BBS7: variants seen among roughly 807,000 people sequenced by gnomAD.
BBS7 encodes the protein BBSome complex member BBS7.
Under a neutral mutation model 90.3 loss-of-function variants are expected in BBS7, and 50 were observed. That is an observed-to-expected ratio of 0.55 (90% CI 0.44 to 0.70). BBS7 has a LOEUF of 0.70. Ranked by LOEUF, BBS7 falls within the 30% of genes least tolerant of loss-of-function variation. The pLI is 0.00. For missense variants in BBS7, 729 were observed against 838.9 expected, an observed-to-expected ratio of 0.87 and a Z score of 1.62; for synonymous variants, 235 against 287.4, an observed-to-expected ratio of 0.82 and a Z score of 1.85.
At chr4:121,870,183 T>C in intron 1 of BBS7, 95 bp downstream of exon 1, 1 of 1,535,824 alleles carries the variant, frequency 6.5e-7, no homozygotes, top group Non-Finnish European at 9.0e-7. Flanking sequence ...CCGCACCAGC[T>C]CCTGGCGACC....
At chr4:121,868,461 T>A (rs916526768) in intron 1 of BBS7, among the ~76,000 whole-genome samples, 4 of 151,824 alleles carry the variant, frequency 2.6e-5, no homozygotes, top group Non-Finnish European at 4.4e-5. Context: ...AGTGGGAGGA[T>A]CACTTGAGCC....
At chr4:121,846,382 C>A (rs1726012977) in intron 10 of BBS7, among the ~76,000 whole-genome samples, 1 of 152,072 alleles carries the variant, frequency 6.6e-6, no homozygotes, top group Non-Finnish European at 1.5e-5. Flanking sequence ...TAGGGAGGAG[C>A]TTAGAAGGGA....
In BBS7 at chr4:121,858,980, A is replaced by C; in HGVS notation, c.528+12T>G. On this transcript the variant is annotated intron_variant, in intron 5 of 18. Transcript: ENST00000264499. Reference sequence around the variant, plus strand: ...TAATATAAAAAATTAGAAAAATACAAATAACAGCAACCTGTAAAACTCTGA... The same window carrying C: ...TAATATAAAAAATTAGAAAAATACACATAACAGCAACCTGTAAAACTCTGA... 1.2e-6 allele frequency: 2 copies of C among 1,611,150 alleles called. No individual in the cohort carries two copies. The highest frequency in any genetic ancestry group is 1.7e-6 in the Non-Finnish European group (2 of 1,177,648).
chr4:121,843,880 T>C (rs368235423), intron 12 of BBS7, 47 bp downstream of exon 12: 50 of 1,238,006 alleles, frequency 4.0e-5, no homozygotes, highest in African/African-American at 5.9e-5. Context: ...CAAAATGGCA[T>C]AATAGAAATG....
chr4:121,833,878 C>G (rs1254108288), intron 14 of BBS7, among the ~76,000 whole-genome samples: 2 of 151,904 alleles, frequency 1.3e-5, no homozygotes, highest in African/African-American at 2.4e-5. Flanking sequence ...ATTTCTACTA[C>G]ATAAACTACA....
chr4:121,829,723 T>C (rs1036191434), intron 15 of BBS7, among the ~76,000 whole-genome samples: 1 of 152,210 alleles, frequency 6.6e-6, no homozygotes, highest in Non-Finnish European at 1.5e-5. Context: ...TACTCAATCC[T>C]GGGACTTTTA....
At chr4:121,832,009 AACACACACAC>A (rs375865529) in intron 15 of BBS7, among the ~76,000 whole-genome samples, 12 of 142,872 alleles carry the variant, frequency 8.4e-5, no homozygotes, top group Non-Finnish European at 1.4e-4. Context: ...AAAAAACAAA[AACACACACAC>A]ACACACACAC....
At chr4:121,855,254 G>A (rs1726545578) in intron 6 of BBS7, among the ~76,000 whole-genome samples, 1 of 152,078 alleles carries the variant, frequency 6.6e-6, no homozygotes, top group African/African-American at 2.4e-5. Context: ...GCCGTGGTGA[G>A]CTGAGATTGT....
intron 12 of BBS7, among the ~76,000 whole-genome samples, chr4:121,842,894 G>T (rs1187262760): frequency 6.6e-6 from 1 of 152,118 alleles, no homozygotes; most frequent in Non-Finnish European, 1.5e-5. Flanking sequence ...CAGTAAGCAT[G>T]TCCAAAAGCA....
At chr4:121,869,122 T>C (rs568635947) in intron 1 of BBS7, among the ~76,000 whole-genome samples, 5 of 152,266 alleles carry the variant, frequency 3.3e-5, no homozygotes, top group Middle Eastern at 3.4e-3. Flanking sequence ...ATGGAAGATA[T>C]GGGACAGATT....
chr4:121,847,898 A>C (rs1463478907), intron 9 of BBS7, among the ~76,000 whole-genome samples: 1 of 152,144 alleles, frequency 6.6e-6, no homozygotes, highest in Non-Finnish European at 1.5e-5. Context: ...TACTATGAGA[A>C]TGCAAAAATT....
Position 121,852,938 on chromosome 4 carries a change from CT to C in BBS7, c.849+17del. On this transcript the variant is annotated intron_variant, in intron 8 of 18. Transcript: ENST00000264499. ...ATTTGACAAATAATAAGCATATAGTCTTTTTTAATGAACTTACCTGATCAAA... is the reference window on the plus strand; with the variant it reads ...ATTTGACAAATAATAAGCATATAGTCTTTTTAATGAACTTACCTGATCAAA... The C allele has an allele frequency of 1.2e-6, 2 of 1,611,780 alleles. No individual in the cohort carries two copies. Among genetic ancestry groups the C allele is most frequent in the Middle Eastern group, 1.7e-4 (1 of 6,048 alleles).
intron 1 of BBS7, among the ~76,000 whole-genome samples, chr4:121,869,717 T>C (rs774387324): frequency 6.6e-6 from 1 of 152,022 alleles, no homozygotes; most frequent in Non-Finnish European, 1.5e-5. Flanking sequence ...TTTTGTACTT[T>C]TTGTAGAGAA....
Position 121,855,887 on chromosome 4 carries a change from T to C in BBS7, c.529-326A>G, listed in dbSNP as rs115205590. ...GTATATATGTATATGTACATATATG[T>C]ACATACATGTATGTGTATATATGTA... is the stretch of plus-strand genomic sequence containing the variant. On this transcript the variant is annotated intron_variant, in intron 5 of 18. Coordinates refer to ENST00000264499, the MANE Select transcript of BBS7 (RefSeq NM_176824.3). Among the ~76,000 whole-genome samples, 554 of 143,218 alleles carry C rather than the reference T, an allele frequency of 3.9e-3. 3 individuals carry two copies. Among genetic ancestry groups the C allele is most frequent in the African/African-American group, 0.015 (534 of 35,856 alleles). 94.0% of individuals were successfully genotyped at this position (143,218 alleles called of 152,430 possible). A position where few individuals can be genotyped will look rare whatever the true frequency, so the allele number is the denominator to read the frequency against.
intron 18 of BBS7, among the ~76,000 whole-genome samples, chr4:121,826,287 C>T (rs1245693349): frequency 6.6e-6 from 1 of 152,156 alleles, no homozygotes; most frequent in Non-Finnish European, 1.5e-5. Flanking sequence ...TATAACATCA[C>T]AACAAGTGGT....
chr4:121,846,713 C>T (rs1057289752), intron 10 of BBS7, among the ~76,000 whole-genome samples: 2 of 152,218 alleles, frequency 1.3e-5, no homozygotes, highest in Admixed American at 6.5e-5. Flanking sequence ...TTTGGTGAAA[C>T]GGCTTGTGCT....
chr4:121,863,052 A>C (rs1180453206), intron 3 of BBS7, among the ~76,000 whole-genome samples, 165 bp downstream of exon 3: 2 of 152,196 alleles, frequency 1.3e-5, no homozygotes, highest in African/African-American at 4.8e-5. Context: ...ACTAGCTAGC[A>C]AATTACTTTT....
At chr4:121,826,072 G>C in intron 18 of BBS7, 79 bp from the exon 19 acceptor site, 2 of 1,205,484 alleles carry the variant, frequency 1.7e-6, no homozygotes, top group Non-Finnish European at 2.4e-6. Context: ...GTAATTGCTT[G>C]ATAATCTATT....
Position 121,828,741 on chromosome 4 carries a change from T to C in BBS7, c.1677-13A>G, listed in dbSNP as rs1176350215. 1 of 1,429,004 alleles carries C rather than the reference T, an allele frequency of 7.0e-7. No individual in the cohort carries two copies. Among genetic ancestry groups the C allele is most frequent in the Non-Finnish European group, 9.7e-7 (1 of 1,034,098 alleles). The allele number at this position is 1,429,004 out of a possible 1,614,324, so 88.5% of individuals were successfully genotyped here. ...TCCCTCTCCTTTTCTATAAAATTAA[T>C]ATATTTTTTAAAAGAATAGCTGTAG... On this transcript the variant is annotated splice_polypyrimidine_tract_variant and intron_variant, in intron 15 of 18. Transcript: ENST00000264499.
Sources: allele counts gnomAD v4.1 joint callset (sites outside exome capture counted in the v4.1 genomes callset), GRCh38; gene constraint gnomAD v4.1.1; transcripts MANE v1.5; gene names NCBI Gene and HGNC (gene_info 2026-07-23, HGNC 2026-07-21).